Variants in LIAT1 observed in about 807,000 individuals in gnomAD.
LIAT1 encodes the protein protein LIAT1.
chr17:411,284 G>A, the LIAT1 span, among the ~76,000 whole-genome samples: 2 of 151,950 alleles, frequency 1.3e-5, no homozygotes, highest in Non-Finnish European at 2.9e-5. Flanking sequence ...ACCACTCCCC[G>A]CTTCATATCA....
the LIAT1 span, chr17:413,733 C>T: frequency 4.5e-5 from 72 of 1,590,644 alleles, no homozygotes; most frequent in East Asian, 1.3e-3. Flanking sequence ...GGCTTCCACC[C>T]CGACCCCAAG....
chr17:411,275 C>G, the LIAT1 span, among the ~76,000 whole-genome samples: 2 of 152,218 alleles, frequency 1.3e-5, no homozygotes, highest in Non-Finnish European at 2.9e-5. Flanking sequence ...ACACCCTCAA[C>G]CACTCCCCGC....
chr17:410,638 A>G, the LIAT1 span: 1 of 1,540,486 alleles, frequency 6.5e-7, no homozygotes, highest in Non-Finnish European at 8.7e-7. Context: ...GGGTCTGGCA[A>G]GGGGGACGGT....
the LIAT1 span, among the ~76,000 whole-genome samples, chr17:411,372 A>G: frequency 6.6e-6 from 1 of 152,206 alleles, no homozygotes; most frequent in Non-Finnish European, 1.5e-5. Context: ...TGTAACACCA[A>G]CAGTGAAACT....
chr17:410,788 G>T, the LIAT1 span: 100 of 731,480 alleles, frequency 1.4e-4, 1 homozygote, highest in East Asian at 2.6e-3. Context: ...ACACATGCCC[G>T]TCAGCAGCAC....
At chr17:414,463 T>C in the LIAT1 span, 1 of 231,336 alleles carries the variant, frequency 4.3e-6, no homozygotes, top group South Asian at 6.4e-5. The surrounding 1 kb of genome is among the most constrained non-coding windows in gnomAD (Gnocchi z 4.1). Context: ...AATCTCATGG[T>C]GAAACTCCTC....
At chr17:413,166 G>A in the LIAT1 span, 1 of 1,614,122 alleles carries the variant, frequency 6.2e-7, no homozygotes, top group South Asian at 1.1e-5. Flanking sequence ...CAGAGTCAGA[G>A]CCTGAAGAGC....
chr17:414,034 C>T, the LIAT1 span: 22 of 1,614,258 alleles, frequency 1.4e-5, no homozygotes, highest in Non-Finnish European at 1.7e-5. This position sits in a 1 kb window ranked among gnomAD's most constrained non-coding sequence, Gnocchi z 4.1. Context: ...CGTCGAAAGC[C>T]GAGTGCCCCA....
the LIAT1 span, chr17:413,102 A>G: frequency 7.5e-6 from 12 of 1,592,392 alleles, no homozygotes; most frequent in Non-Finnish European, 1.0e-5. Flanking sequence ...CAGCAGGCCA[A>G]GGTCAGACAT....
the LIAT1 span, chr17:410,621 G>C: frequency 6.5e-7 from 1 of 1,542,778 alleles, no homozygotes; most frequent in South Asian, 1.2e-5. Context: ...GGAAGAAGAA[G>C]ACCAAGGGGT....
chr17:412,117 G>A, the LIAT1 span, among the ~76,000 whole-genome samples: 12 of 152,210 alleles, frequency 7.9e-5, no homozygotes, highest in Non-Finnish European at 1.6e-4. Context: ...TGTAATCCCA[G>A]CACTTTGGGA....
the LIAT1 span, chr17:410,680 C>G: frequency 6.5e-7 from 1 of 1,531,140 alleles, no homozygotes; most frequent in East Asian, 2.4e-5. Context: ...TGCGTCAGCT[C>G]CGGTTCCCTG....
chr17:410,526 GCCGCGGGC>G, the LIAT1 span: 6 of 1,545,500 alleles, frequency 3.9e-6, no homozygotes, highest in Admixed American at 3.9e-5. Context: ...GGAGGGCGGC[GCCGCGGGC>G]CCGCGGGGGT....
the LIAT1 span, chr17:410,550 C>T: frequency 6.5e-7 from 1 of 1,546,754 alleles, no homozygotes; most frequent in Non-Finnish European, 8.7e-7. Flanking sequence ...GGGGTCTAGA[C>T]TGCCCCCCAT....
At chr17:414,252 C>T in the LIAT1 span, 1 of 1,109,868 alleles carries the variant, frequency 9.0e-7, no homozygotes, top group African/African-American at 1.6e-5. The surrounding 1 kb of genome is among the most constrained non-coding windows in gnomAD (Gnocchi z 4.1). Context: ...CGCCGACTCT[C>T]CCATCACCAA....
the LIAT1 span, chr17:413,650 T>TCTCAAGGGCTTCCACCCCGACCCC: frequency 1.2e-4 from 98 of 845,690 alleles, 1 homozygote; most frequent in South Asian, 7.2e-4. Context: ...ACCCCGACCC[T>TCTCAAGGGCTTCCACCCCGACCCC]GAGGCCCTCA....
At chr17:411,489 G>C in the LIAT1 span, among the ~76,000 whole-genome samples, 1 of 152,032 alleles carries the variant, frequency 6.6e-6, no homozygotes, top group Non-Finnish European at 1.5e-5. Flanking sequence ...AGCTATGATC[G>C]CACCATTGCA....
At chr17:413,139 A>C in the LIAT1 span, 1 of 1,613,184 alleles carries the variant, frequency 6.2e-7, no homozygotes, top group South Asian at 1.1e-5. Context: ...CTGCTCATCT[A>C]CTCAGCAGAT....
chr17:413,148 A>G, the LIAT1 span: 1 of 1,613,708 alleles, frequency 6.2e-7, no homozygotes, highest in African/African-American at 1.3e-5. Flanking sequence ...TACTCAGCAG[A>G]TAAACATCAG....
Sources: allele counts gnomAD v4.1 joint callset (sites outside exome capture counted in the v4.1 genomes callset), GRCh38; gene constraint gnomAD v4.1.1; non-coding constraint Gnocchi (gnomAD v3.1); transcripts MANE v1.5; gene names NCBI Gene and HGNC (gene_info 2026-07-23, HGNC 2026-07-21).